Variants in HNF4G observed in about 807,000 individuals in gnomAD.
HNF4G encodes the protein hepatocyte nuclear factor 4 gamma.
A neutral mutation model predicts 50.9 loss-of-function variants in HNF4G; 21 were observed. That is an observed-to-expected ratio of 0.41 (90% CI 0.29 to 0.59). The LOEUF is 0.59. HNF4G is among the 20% of genes least tolerant of loss of function. HNF4G has a pLI of 0.26. For missense variants in HNF4G, 527 were observed against 559.4 expected (o/e 0.94, Z 0.58); for synonymous variants, 198 against 185.6 (o/e 1.07, Z -0.54).
At chr8:75,539,687 C>CA (rs1379071761), upstream of HNF4G, among the ~76,000 whole-genome samples, 1 of 152,124 alleles carries the variant, frequency 6.6e-6, no homozygotes, top group African/African-American at 2.4e-5. Context: ...TTTAGGAAAT[C>CA]ATGTTAGTCC....
chr8:75,564,270 G>A lies in HNF4G; in HGVS notation c.*174G>A. 1.6e-6 allele frequency: 1 copy of A among 616,112 alleles called. No homozygotes were observed. The highest frequency in any genetic ancestry group is 2.7e-6 in the Non-Finnish European group (1 of 369,636). The allele number at this position is 616,112 out of a possible 1,614,324, so 38.2% of individuals were successfully genotyped here. On this transcript the variant is annotated 3_prime_UTR_variant, in exon 10 of 10. Coordinates refer to ENST00000396423, the MANE Select transcript of HNF4G (RefSeq NM_004133.5). ...TCATTCTGTTTGTTATTGCTACTAT[G>A]TAAAACTTTCACATGCAACCAATGT...
chr8:75,434,673 C>T lies in HNF4G; in HGVS notation c.-144+26511C>T, dbSNP rs1011689829. ...TGATTCCAGAACACAAACAACAAGG[C>T]CAACACACACACACACACACACACA... On this transcript the variant is annotated intron_variant, in intron 1 of 10. Transcript: ENST00000354370. 1.2e-4 allele frequency among the ~76,000 whole-genome samples: 17 copies of T among 143,594 alleles called. No individual in the cohort carries two copies. In the East Asian group the frequency reaches 3.2e-3, roughly 27 times the overall value. 94.2% of individuals were successfully genotyped at this position (143,594 alleles called of 152,430 possible).
chr8:75,558,036 TA>T (rs11288885), intron 6 of HNF4G, among the ~76,000 whole-genome samples: 34,360 of 149,184 alleles, frequency 0.23, 4,029 homozygotes, highest in South Asian at 0.26. Context: ...CATGCTAATT[TA>T]AAAAAAAAAA....
chr8:75,562,814 G>T (rs1159306936), intron 9 of HNF4G, among the ~76,000 whole-genome samples: 1 of 152,052 alleles, frequency 6.6e-6, no homozygotes, highest in Non-Finnish European at 1.5e-5. Context: ...TATATTTTAT[G>T]CAAAGCAGGA....
chr8:75,483,756 T>C (rs761661860), intron 1 of HNF4G, among the ~76,000 whole-genome samples: 1 of 152,218 alleles, frequency 6.6e-6, no homozygotes, highest in Non-Finnish European at 1.5e-5. Flanking sequence ...TTAAAAACTG[T>C]GTATCTAATA....
At chr8:75,470,664 G>T (rs73688901) in intron 1 of HNF4G, among the ~76,000 whole-genome samples, 1 of 152,100 alleles carries the variant, frequency 6.6e-6, no homozygotes, top group South Asian at 2.1e-4. Flanking sequence ...CTACAAAATA[G>T]GTAGTATTTT....
At chr8:75,560,505 A>G (rs750858390) in intron 9 of HNF4G, 39 bp downstream of exon 9, 3 of 1,575,708 alleles carry the variant, frequency 1.9e-6, no homozygotes, top group Non-Finnish European at 2.6e-6. Context: ...GATATTTCTT[A>G]ATTACCCAAG....
At chr8:75,408,401 A>G (rs1488499393) in intron 1 of HNF4G, among the ~76,000 whole-genome samples, 1 of 151,800 alleles carries the variant, frequency 6.6e-6, no homozygotes, top group Non-Finnish European at 1.5e-5. Flanking sequence ...GGACAAATGG[A>G]TGTTCGTGGA....
chr8:75,472,506 G>A (rs2612298), intron 1 of HNF4G, among the ~76,000 whole-genome samples: 1 of 152,178 alleles, frequency 6.6e-6, no homozygotes, highest in Non-Finnish European at 1.5e-5. Context: ...GTGAGGCTGG[G>A]AAGTGGTGAG....
rs549110270 is a variant in HNF4G at position 75,466,340 on chromosome 8, T to C, written c.-143-23749T>C. On this transcript the variant is annotated intron_variant, in intron 1 of 10. Coordinates refer to the HNF4G transcript ENST00000354370. ...CAAATTACCAATGTCTTTTTTACAG[T>C]CAAGTTTATTTTTATAGATTTTATT... Among the ~76,000 whole-genome samples the C allele has an allele frequency of 1.2e-3, 185 of 152,238 alleles. 1 individual carries two copies. The highest frequency in any genetic ancestry group is 6.8e-3 in the Middle Eastern group (2 of 294).
intron 2 of HNF4G, among the ~76,000 whole-genome samples, chr8:75,493,607 T>A (rs1812685517): frequency 6.6e-6 from 1 of 152,196 alleles, no homozygotes; most frequent in East Asian, 1.9e-4. Context: ...ATTTGTTTAC[T>A]AATTGCATTT....
intron 1 of HNF4G, among the ~76,000 whole-genome samples, chr8:75,470,216 T>A (rs1021691944): frequency 6.6e-6 from 1 of 152,214 alleles, no homozygotes; most frequent in African/African-American, 2.4e-5. Flanking sequence ...TCTGCACAAC[T>A]ACCCATTCAA....
At chr8:75,408,796 T>C (rs1464354388) in intron 1 of HNF4G, among the ~76,000 whole-genome samples, 2 of 152,240 alleles carry the variant, frequency 1.3e-5, no homozygotes, top group East Asian at 3.9e-4. Context: ...GAGTTTTCAC[T>C]TGCGGGCAAG....
At chr8:75,459,959 G>A (rs1432541766) in intron 1 of HNF4G, among the ~76,000 whole-genome samples, 2 of 152,006 alleles carry the variant, frequency 1.3e-5, no homozygotes, top group Non-Finnish European at 1.5e-5. Flanking sequence ...ATATTTTTTA[G>A]AGTGATCATA....
chr8:75,555,447 C>A lies in HNF4G; in HGVS notation c.646-535C>A, dbSNP rs972866112. On this transcript the variant is annotated intron_variant, in intron 5 of 9. Coordinates refer to ENST00000396423, the MANE Select transcript of HNF4G (RefSeq NM_004133.5). The stretch of plus-strand genomic sequence containing the variant: ...AAGAATAATCTAGAAAGCGGCAGAA[C>A]CCAGACCTCCCATCTTTTCCTTACA... Among the ~76,000 whole-genome samples, 3 of 152,138 alleles carry A rather than the reference C, an allele frequency of 2.0e-5. No homozygotes were observed. In the East Asian group the frequency reaches 5.8e-4, roughly 29 times the overall value.
At chr8:75,494,115 G>A (rs904972812) in intron 2 of HNF4G, among the ~76,000 whole-genome samples, 8 of 151,954 alleles carry the variant, frequency 5.3e-5, no homozygotes, top group African/African-American at 7.2e-5. Flanking sequence ...ATACTTTGTC[G>A]AAACAATTGT....
At chr8:75,479,577 ATTT>A (rs66931689) in intron 1 of HNF4G, among the ~76,000 whole-genome samples, 27,848 of 144,482 alleles carry the variant, frequency 0.19, 3,214 homozygotes, top group African/African-American at 0.32. Context: ...CTTCATTTGC[ATTT>A]TTTTTTTTTT....
chr8:75,562,031 CCTA>C (rs979100632), intron 9 of HNF4G, among the ~76,000 whole-genome samples: 5 of 152,160 alleles, frequency 3.3e-5, no homozygotes, highest in African/African-American at 7.2e-5. Context: ...GAACACCAAA[CCTA>C]CTACTAACTC....
intron 2 of HNF4G, among the ~76,000 whole-genome samples, chr8:75,496,854 T>C (rs548006371): frequency 5.3e-5 from 8 of 152,096 alleles, no homozygotes; most frequent in Non-Finnish European, 5.9e-5. Flanking sequence ...GGTTGTGCTA[T>C]GTCTCTGATG....
Sources: allele counts gnomAD v4.1 joint callset (sites outside exome capture counted in the v4.1 genomes callset), GRCh38; gene constraint gnomAD v4.1.1; transcripts MANE v1.5; gene names NCBI Gene and HGNC (gene_info 2026-07-23, HGNC 2026-07-21).